The following SLC49A3 variants were observed in gnomAD, a reference collection of about 807,000 sequenced individuals.
The protein encoded by SLC49A3 is solute carrier family 49 member 3.
SLC49A3 carries 50 observed loss-of-function variants against 43.8 expected under a neutral mutation model. That is an observed-to-expected ratio of 1.14 (90% CI 0.91 to 1.45). The LOEUF is 1.45. Among genes scored for constraint, SLC49A3 ranks in the 40% most tolerant of loss-of-function variants. The pLI is 0.00. For synonymous variants in SLC49A3, 413 were observed against 352.0 expected, an observed-to-expected ratio of 1.17 and a Z score of -1.94; for missense variants, 906 against 774.1, an observed-to-expected ratio of 1.17 and a Z score of -2.02.
At chr4:677,436 C>G (rs184913645), downstream of SLC49A3, among the ~76,000 whole-genome samples, 1,744 of 152,334 alleles carry the variant, frequency 0.011, 11 homozygotes, top group Non-Finnish European at 0.019. Context: ...CATGGCTCCT[C>G]CAACCCAGAA....
chr4:690,041 G>A (rs561979029), upstream of SLC49A3, among the ~76,000 whole-genome samples: 5 of 152,278 alleles, frequency 3.3e-5, no homozygotes, highest in South Asian at 6.2e-4. Flanking sequence ...AACCATCCCC[G>A]TTTCCTGAAC....
rs776386344 is a variant in SLC49A3, at chr4:682,222, G to C, written c.1416C>G (p.Asp472Glu). 2.2e-6 allele frequency: 3 copies of C among 1,377,574 alleles called. No individual in the cohort carries two copies. The African/African-American group carries it at 4.5e-5, about 21-fold the overall frequency. 85.3% of individuals were successfully genotyped at this position (1,377,574 alleles called of 1,614,324 possible). The change falls in exon 10 of 10, where the codon GAC (aspartate) becomes GAG (glutamate). Residue 472 changes from aspartate to glutamate, a missense_variant. Physicochemically the swap from Asp to Glu is conservative, Grantham distance 45. Coordinates refer to ENST00000322224, the MANE Select transcript of SLC49A3 (RefSeq NM_032219.4). The part of the protein sequence containing the change: ...VGGADSGPGV[D>E]RGGAGRAGVL... ...CCCCAGCCCTTCCTGCTCCCCCTCG[G>C]TCCACACCCGGCCCTGAGTCTGCGC...
downstream of SLC49A3, chr4:680,775 A>AG (rs1409081350): frequency 1.5e-6 from 1 of 669,136 alleles, no homozygotes; most frequent in East Asian, 2.7e-5. Flanking sequence ...CACAGGGACC[A>AG]GCGCCTGTGC....
intron 8 of SLC49A3, 37 bp from the exon 9 acceptor site, chr4:682,927 C>G: frequency 6.7e-7 from 1 of 1,500,578 alleles, no homozygotes; most frequent in African/African-American, 1.4e-5. Context: ...GCTGCACTGC[C>G]CACCCCCTCG....
At chr4:678,899 G>A, downstream of SLC49A3, 1 of 1,607,944 alleles carries the variant, frequency 6.2e-7, no homozygotes, top group Non-Finnish European at 8.5e-7. Flanking sequence ...ACCGGGAGCA[G>A]GGGGCGGGGC....
At position 686,535 on chromosome 4, in the gene SLC49A3, CG is replaced by C; in HGVS notation, c.290del (p.Ala97GlyfsTer9). On this transcript the variant is annotated frameshift_variant, in exon 2 of 10. Transcript: ENST00000322224. LOFTEE classifies it high-confidence loss of function. Reference protein sequence around the residue: ...IWILDSVGLRAATILGAWLNF... With the variant: ...IWILDSVGLRXATILGAWLNF... ...CATGGTGTGGGGTCTGACTCACCGC[CG>C]CACGGAGCCCGACGGAGTCCAGGAT... 1 of 1,612,122 alleles carries C rather than the reference CG, an allele frequency of 6.2e-7. No homozygotes were observed. The highest frequency in any genetic ancestry group is 8.5e-7 in the Non-Finnish European group (1 of 1,179,610).
intron 1 of SLC49A3, among the ~76,000 whole-genome samples, chr4:688,567 C>T (rs988472478): frequency 6.6e-6 from 1 of 152,196 alleles, no homozygotes; most frequent in African/African-American, 2.4e-5. Flanking sequence ...GGAACCCAGC[C>T]CAGCCCAGGA....
chr4:686,567 T>G lies in SLC49A3; in HGVS notation c.259A>C (p.Ile87Leu). Reference protein sequence around the residue: ...VVSTPFGVAAIWILDSVGLRA... With the variant: ...VVSTPFGVAALWILDSVGLRA... ...AGCCCGACGGAGTCCAGGATCCAGATGGCCGCCACGCCAAATGGGGTGGAT... is the reference window on the plus strand; with the variant it reads ...AGCCCGACGGAGTCCAGGATCCAGAGGGCCGCCACGCCAAATGGGGTGGAT... Residue 87 changes from isoleucine (I) to leucine (L), a missense_variant, in exon 2 of 10, where the codon ATC becomes CTC. By Grantham distance (5) the Ile-to-Leu change is conservative (BLOSUM62 2). Coordinates refer to ENST00000322224, the MANE Select transcript of SLC49A3 (RefSeq NM_032219.4). 5 of 1,613,064 alleles carry G rather than the reference T, an allele frequency of 3.1e-6. No homozygotes were observed. Among genetic ancestry groups the G allele is most frequent in the Non-Finnish European group, 4.2e-6 (5 of 1,179,914 alleles).
Position 684,858 on chromosome 4 carries a change from TG to T in SLC49A3, c.586-3del, listed in dbSNP as rs1432852801. ...AGCAGGGATGGTATAGACACCGAGC[TG>T]GGGAGGGGTGTGTGTGCACAAGGAG... On this transcript the variant is annotated splice_polypyrimidine_tract_variant and splice_region_variant and intron_variant, in intron 4 of 9. Transcript: ENST00000322224. 2 of 1,610,782 alleles carry T rather than the reference TG, an allele frequency of 1.2e-6. No individual in the cohort carries two copies. The highest frequency in any genetic ancestry group is 1.7e-6 in the Non-Finnish European group (2 of 1,179,430).
chr4:677,799 A>C, downstream of SLC49A3: 2 of 646,432 alleles, frequency 3.1e-6, no homozygotes, highest in Admixed American at 2.5e-5. Flanking sequence ...GGCCAGAGGT[A>C]TCTGGGGAGG....
rs1165570291 is a variant in SLC49A3 at position 685,474 on chromosome 4, C to T, written c.585+361G>A. 4.0e-5 allele frequency among the ~76,000 whole-genome samples: 6 copies of T among 151,766 alleles called. No homozygotes were observed. The highest frequency in any genetic ancestry group is 9.7e-5 in the African/African-American group (4 of 41,330). On this transcript the variant is annotated intron_variant, in intron 4 of 9. Coordinates refer to ENST00000322224, the MANE Select transcript of SLC49A3 (RefSeq NM_032219.4). This position sits in a 1 kb window ranked among gnomAD's most constrained non-coding sequence, Gnocchi z 4.3. ...TAGCACTTTGGGAAGCCGAGGCAGA[C>T]GGATCATGAGGTCAGGAGTTCGAGA...
upstream of SLC49A3, among the ~76,000 whole-genome samples, chr4:690,763 C>T (rs1052171544): frequency 1.3e-5 from 2 of 152,324 alleles, no homozygotes; most frequent in East Asian, 1.9e-4. Flanking sequence ...CTCTGTTGAG[C>T]GTGCATTGTT....
rs765631018 is a variant in SLC49A3, at chr4:686,241, A to G, written c.356T>C (p.Val119Ala). 2.7e-5 allele frequency: 43 copies of G among 1,613,416 alleles called. No individual in the cohort carries two copies. Among genetic ancestry groups the G allele is most frequent in the Non-Finnish European group, 3.6e-5 (42 of 1,180,014 alleles). ...GSVLRMVPCM[V>A]VGTQNPFAFL... ...GGCAAATGGGTTTTGGGTCCCAACAACCATGCAGGGCACCATGCGTAGCAC... is the reference window on the plus strand; with the variant it reads ...GGCAAATGGGTTTTGGGTCCCAACAGCCATGCAGGGCACCATGCGTAGCAC... Residue 119 changes from valine (V) to alanine (A), a missense_variant, in exon 3 of 10, where the codon GTT (valine) becomes GCT (alanine). Physicochemically the swap from Val to Ala is moderately conservative, Grantham distance 64. Coordinates refer to ENST00000322224, the MANE Select transcript of SLC49A3 (RefSeq NM_032219.4).
chr4:684,665 C>T, intron 5 of SLC49A3, 54 bp downstream of exon 5: 2 of 1,606,160 alleles, frequency 1.2e-6, no homozygotes, highest in Non-Finnish European at 1.7e-6. Flanking sequence ...GCCTCCTCAG[C>T]CTCTTGCCCC....
At position 689,091 on chromosome 4, in the gene SLC49A3, C is replaced by T. The variant is rs200792845; in HGVS notation, c.37G>A (p.Glu13Lys). Residue 13 changes from glutamate (E) to lysine (K), a missense_variant, in exon 1 of 10, where the codon GAG (glutamate) becomes AAG (lysine). Physicochemically the swap from Glu to Lys is moderately conservative, Grantham distance 56. Transcript: ENST00000322224. The part of the protein sequence containing the change: ...GPTEAETGLA[E>K]PRALCAQRGH... The stretch of plus-strand genomic sequence containing the variant: ...CGCTGCGCGCACAGGGCCCGGGGCT[C>T]GGCCAACCCCGTCTCGGCCTCCGTC... 5.7e-3 allele frequency: 8,554 copies of T among 1,506,260 alleles called. 63 individuals are homozygous for T. The highest frequency in any genetic ancestry group is 0.029 in the South Asian group (2,315 of 80,588). The allele number at this position is 1,506,260 out of a possible 1,614,324, so 93.3% of individuals were successfully genotyped here.
downstream of SLC49A3, chr4:679,775 C>A (rs943108896): frequency 8.1e-5 from 55 of 678,166 alleles, no homozygotes; most frequent in Admixed American, 1.4e-4. Context: ...CACTGCCCCA[C>A]GTGCCTGGGC....
downstream of SLC49A3, chr4:677,783 A>AG: frequency 1.6e-6 from 1 of 613,902 alleles, no homozygotes; most frequent in South Asian, 1.9e-5. Context: ...GATGGGAGGT[A>AG]GTCCTGGCCA....
chr4:681,821 G>T, downstream of SLC49A3: 2 of 1,258,452 alleles, frequency 1.6e-6, no homozygotes, highest in Non-Finnish European at 2.0e-6. Flanking sequence ...AACCACACCC[G>T]GGGCCGCTGC....
At chr4:679,749 G>A (rs1739254031), downstream of SLC49A3, among the ~76,000 whole-genome samples, 1 of 152,162 alleles carries the variant, frequency 6.6e-6, no homozygotes, top group African/African-American at 2.4e-5. Context: ...GGTGGACACA[G>A]CCAGCCAGAT....
Sources: allele counts gnomAD v4.1 joint callset (sites outside exome capture counted in the v4.1 genomes callset), GRCh38; gene constraint gnomAD v4.1.1; non-coding constraint Gnocchi (gnomAD v3.1); transcripts MANE v1.5; gene names NCBI Gene and HGNC (gene_info 2026-07-23, HGNC 2026-07-21).